Variants in GPR137C observed in about 807,000 individuals in gnomAD.
GPR137C encodes the protein G protein-coupled receptor 137C.
Under a neutral mutation model 43.4 loss-of-function variants are expected in GPR137C, and 27 were observed. The ratio of observed to expected loss-of-function variants is 0.62; its 90% CI spans 0.46 to 0.86. The LOEUF (loss-of-function observed/expected upper bound fraction) is 0.86. Among genes scored for constraint, GPR137C ranks in the 40% least tolerant of loss-of-function variants. The probability of loss-of-function intolerance (pLI) is 0.00; values close to 1 mark genes in which losing one functional copy is unlikely to be tolerated. For missense variants in GPR137C, 522 were observed against 534.6 expected (o/e 0.98, Z 0.23); for synonymous variants, 285 against 226.9 (o/e 1.26, Z -2.30).
intron 3 of GPR137C, among the ~76,000 whole-genome samples, chr14:52,630,390 A>G (rs2039280689): frequency 2.0e-5 from 3 of 151,934 alleles, no homozygotes; most frequent in African/African-American, 7.2e-5. Context: ...TTGTTTCCTT[A>G]CTTTTCTTTA....
chr14:52,557,006 A>G (rs200697133), intron 1 of GPR137C, among the ~76,000 whole-genome samples: 1 of 152,194 alleles, frequency 6.6e-6, no homozygotes, highest in East Asian at 1.9e-4. Flanking sequence ...TATGGATGCT[A>G]TTATTGTCCC....
In GPR137C at chr14:52,637,545, T is replaced by C. The variant is rs1391563666; in HGVS notation, c.*2430T>C. The C allele has an allele frequency of 6.6e-6, 1 of 152,188 alleles. No homozygotes were observed. The highest frequency in any genetic ancestry group is 1.5e-5 in the Non-Finnish European group (1 of 68,024). The allele number at this position is 152,188 out of a possible 1,614,324, so 9.4% of individuals were successfully genotyped here. On this transcript the variant is annotated 3_prime_UTR_variant, in exon 7 of 7. Transcript: ENST00000321662. Reference sequence around the variant, plus strand: ...AAATGTAATTTATAGCTAAAGTGGCTTTTTTATGCATAGCTGCCTTTTTTA... The same window carrying C: ...AAATGTAATTTATAGCTAAAGTGGCCTTTTTATGCATAGCTGCCTTTTTTA...
At position 52,552,916 on chromosome 14, in the gene GPR137C, C is replaced by T. The variant is rs1334679570; in HGVS notation, c.-232C>T. ...AGAGTTGTTTTTTGCAGCTACGGAG[C>T]CGAGCCGCAGCAGGAGGAGCCGAGA... On this transcript the variant is annotated 5_prime_UTR_variant, in exon 1 of 7. Transcript: ENST00000321662. Among the ~76,000 whole-genome samples, 1 of 151,826 alleles carries T rather than the reference C, an allele frequency of 6.6e-6. No individual in the cohort carries two copies. The highest frequency in any genetic ancestry group is 1.5e-5 in the Non-Finnish European group (1 of 67,908).
intron 1 of GPR137C, among the ~76,000 whole-genome samples, chr14:52,569,828 G>A (rs2038436642): frequency 6.6e-6 from 1 of 152,126 alleles, no homozygotes; most frequent in Non-Finnish European, 1.5e-5. Context: ...TGGTGTGCCT[G>A]AAAGTGAAGG....
At chr14:52,570,754 A>C (rs570417884) in intron 1 of GPR137C, among the ~76,000 whole-genome samples, 1 of 152,206 alleles carries the variant, frequency 6.6e-6, no homozygotes, top group African/African-American at 2.4e-5. Context: ...CAAGGGCATT[A>C]CATAACGCTA....
chr14:52,623,126 G>A (rs377452063), intron 3 of GPR137C, among the ~76,000 whole-genome samples: 1 of 152,110 alleles, frequency 6.6e-6, no homozygotes, highest in Admixed American at 6.5e-5. Context: ...TATTTTCTTG[G>A]ATGATTAGTT....
At chr14:52,559,042 A>C (rs1018227538) in intron 1 of GPR137C, among the ~76,000 whole-genome samples, 3 of 152,220 alleles carry the variant, frequency 2.0e-5, no homozygotes, top group Non-Finnish European at 2.9e-5. Context: ...AGAAAGCCCA[A>C]CAAATCCAAG....
chr14:52,630,118 A>G (rs1385629039), intron 3 of GPR137C, among the ~76,000 whole-genome samples: 2 of 152,162 alleles, frequency 1.3e-5, no homozygotes, highest in Non-Finnish European at 2.9e-5. Context: ...TTGTTTTCCA[A>G]ATCAATGGGT....
chr14:52,621,317 ATAT>A (rs977458988), intron 3 of GPR137C, among the ~76,000 whole-genome samples: 4 of 151,880 alleles, frequency 2.6e-5, no homozygotes, highest in Non-Finnish European at 5.9e-5. Flanking sequence ...TCCAGTGAAG[ATAT>A]TATTAAAGAA....
Position 52,636,242 on chromosome 14 carries a change from G to A in GPR137C, c.*1127G>A, listed in dbSNP as rs1302553347. On this transcript the variant is annotated 3_prime_UTR_variant, in exon 7 of 7. Coordinates refer to ENST00000321662, the MANE Select transcript of GPR137C (RefSeq NM_001099652.2). ...AAACTTAAGTAAATGTACAAACTAGGTAAGTATAAAACCACAGGTTAACAA... is the reference window on the plus strand; with the variant it reads ...AAACTTAAGTAAATGTACAAACTAGATAAGTATAAAACCACAGGTTAACAA... The A allele has an allele frequency of 6.6e-6, 1 of 151,842 alleles. No individual in the cohort carries two copies. Among genetic ancestry groups the A allele is most frequent in the Non-Finnish European group, 1.5e-5 (1 of 67,912 alleles). 9.4% of individuals were successfully genotyped at this position (151,842 alleles called of 1,614,324 possible).
chr14:52,572,727 G>T (rs570184496), intron 1 of GPR137C, among the ~76,000 whole-genome samples: 1 of 152,148 alleles, frequency 6.6e-6, no homozygotes, highest in Non-Finnish European at 1.5e-5. Context: ...ATTCAACATA[G>T]TATTGGAAGT....
intron 1 of GPR137C, among the ~76,000 whole-genome samples, chr14:52,569,204 G>A (rs1283386744): frequency 1.3e-5 from 2 of 152,146 alleles, no homozygotes; most frequent in African/African-American, 4.8e-5. Flanking sequence ...GGGCCTGACT[G>A]TTAGAAGGAA....
rs1160600511 is a variant in GPR137C, at chr14:52,556,449, C to A, written c.444+2858C>A. On this transcript the variant is annotated intron_variant, in intron 1 of 6. Transcript: ENST00000321662. ...TGGAATTGAGATGAGGGAAAGTAGCCCTTTCTTAAACAGTTAAGCTTCTCA... is the reference window on the plus strand; with the variant it reads ...TGGAATTGAGATGAGGGAAAGTAGCACTTTCTTAAACAGTTAAGCTTCTCA... Among the ~76,000 whole-genome samples the A allele has an allele frequency of 2.7e-5, 4 of 149,566 alleles. No homozygotes were observed. The East Asian group carries it at 7.8e-4, about 29-fold the overall frequency.
At chr14:52,555,783 C>G (rs557411826) in intron 1 of GPR137C, among the ~76,000 whole-genome samples, 1 of 152,184 alleles carries the variant, frequency 6.6e-6, no homozygotes, top group South Asian at 2.1e-4. Flanking sequence ...TCTATCCTTT[C>G]TTTTTATAAT....
chr14:52,581,661 T>C (rs1051061949), intron 1 of GPR137C, among the ~76,000 whole-genome samples: 1 of 152,230 alleles, frequency 6.6e-6, no homozygotes, highest in African/African-American at 2.4e-5. Flanking sequence ...AATGGTGCGC[T>C]ACTCTCTATA....
At chr14:52,612,710 C>T (rs1445510036) in intron 3 of GPR137C, 3 of 154,070 alleles carry the variant, frequency 1.9e-5, no homozygotes, top group Non-Finnish European at 4.2e-5. Context: ...TGCGAGCATT[C>T]ACCACCACAC....
intron 1 of GPR137C, among the ~76,000 whole-genome samples, chr14:52,589,028 C>T (rs2038747862): frequency 6.6e-6 from 1 of 152,176 alleles, no homozygotes; most frequent in Admixed American, 6.6e-5. Flanking sequence ...GTGGTACACA[C>T]ATGCAATGGA....
At chr14:52,610,615 A>G (rs1223541600) in intron 3 of GPR137C, among the ~76,000 whole-genome samples, 1 of 152,206 alleles carries the variant, frequency 6.6e-6, no homozygotes, top group Non-Finnish European at 1.5e-5. Flanking sequence ...GTTTGGTACT[A>G]TCCATAGTTT....
intron 3 of GPR137C, among the ~76,000 whole-genome samples, chr14:52,610,571 A>G (rs1319979269): frequency 1.3e-5 from 2 of 152,230 alleles, no homozygotes; most frequent in African/African-American, 2.4e-5. Context: ...TATTATAGGT[A>G]TGTATGGATA....
Sources: allele counts gnomAD v4.1 joint callset (sites outside exome capture counted in the v4.1 genomes callset), GRCh38; gene constraint gnomAD v4.1.1; transcripts MANE v1.5; gene names NCBI Gene and HGNC (gene_info 2026-07-23, HGNC 2026-07-21).